CD247: variants seen among roughly 807,000 people sequenced by gnomAD.
The protein encoded by CD247 is T-cell surface glycoprotein CD3 zeta chain.
CD247 carries 13 observed loss-of-function variants against 30.0 expected under a neutral mutation model. The ratio of observed to expected loss-of-function variants is 0.43; its 90% confidence interval spans 0.28 to 0.69. The LOEUF (loss-of-function observed/expected upper bound fraction) is 0.69. Among genes scored for constraint, CD247 ranks in the 30% least tolerant of loss-of-function variants. The probability of loss-of-function intolerance (pLI) is 0.16; values close to 1 mark genes in which losing one functional copy is unlikely to be tolerated. For missense variants in CD247, 193 were observed against 212.6 expected, an observed-to-expected ratio of 0.91 and a Z score of 0.57; for synonymous variants, 72 against 80.0, an observed-to-expected ratio of 0.90 and a Z score of 0.53.
At chr1:167,472,560 G>T (rs1558014231) in intron 1 of CD247, among the ~76,000 whole-genome samples, 1 of 151,960 alleles carries the variant, frequency 6.6e-6, no homozygotes, top group Non-Finnish European at 1.5e-5. Context: ...TTTTCAAGGG[G>T]ACAGTAACAA....
At chr1:167,451,894 G>A (rs1425370279) in intron 1 of CD247, among the ~76,000 whole-genome samples, 1 of 152,168 alleles carries the variant, frequency 6.6e-6, no homozygotes, top group African/African-American at 2.4e-5. Flanking sequence ...ATAACCTGAG[G>A]TCAGGAGTTT....
At chr1:167,438,447 C>A in intron 4 of CD247, 123 bp downstream of exon 4, 5 of 814,790 alleles carry the variant, frequency 6.1e-6, no homozygotes, top group Non-Finnish European at 1.1e-5. Context: ...CTTCTCTTGT[C>A]CTGGGCCCAC....
At chr1:167,516,519 T>C (rs972773516) in intron 1 of CD247, among the ~76,000 whole-genome samples, 2 of 152,172 alleles carry the variant, frequency 1.3e-5, no homozygotes, top group African/African-American at 4.8e-5. Context: ...TGACTGAAAT[T>C]CTATGTGCGG....
chr1:167,492,042 G>A (rs1311276540), intron 1 of CD247, among the ~76,000 whole-genome samples: 2 of 152,154 alleles, frequency 1.3e-5, no homozygotes, highest in South Asian at 2.1e-4. Flanking sequence ...TTCTAGAGAC[G>A]GATGGTGGTG....
intron 1 of CD247, among the ~76,000 whole-genome samples, chr1:167,452,997 A>ATGTG (rs71097678): frequency 9.3e-6 from 1 of 106,974 alleles, no homozygotes; most frequent in African/African-American, 3.2e-5. Flanking sequence ...ATGTGTGTGT[A>ATGTG]TGTGTGTGTG....
intron 1 of CD247, among the ~76,000 whole-genome samples, chr1:167,482,738 A>G (rs1452764529): frequency 6.6e-6 from 1 of 152,174 alleles, no homozygotes; most frequent in African/African-American, 2.4e-5. Flanking sequence ...CTGTGTGCCT[A>G]TTCACCTGGG....
At chr1:167,488,003 G>T (rs1028637034) in intron 1 of CD247, among the ~76,000 whole-genome samples, 1 of 152,162 alleles carries the variant, frequency 6.6e-6, no homozygotes, top group Non-Finnish European at 1.5e-5. Flanking sequence ...CCCCCAAAGG[G>T]CTGGGATTGC....
chr1:167,439,784 G>A lies in CD247; in HGVS notation c.163-384C>T, dbSNP rs545562023. 3.4e-4 allele frequency: 90 copies of A among 266,280 alleles called. 1 individual carries two copies. The South Asian group carries it at 4.0e-3, about 12-fold the overall frequency. 16.5% of individuals were successfully genotyped at this position (266,280 alleles called of 1,614,324 possible). A position where few individuals can be genotyped will look rare whatever the true frequency, so the allele number is the denominator to read the frequency against. On this transcript the variant is annotated intron_variant, in intron 2 of 7. Coordinates refer to ENST00000362089, the MANE Select transcript of CD247 (RefSeq NM_198053.3). Reference sequence around the variant, plus strand: ...TGAGGACAATCCAGGGTGGATGGCGGCTGGTCAAGATCCCGCCTCCTATCT... The same window carrying A: ...TGAGGACAATCCAGGGTGGATGGCGACTGGTCAAGATCCCGCCTCCTATCT...
At chr1:167,486,934 C>T (rs764288058) in intron 1 of CD247, among the ~76,000 whole-genome samples, 13 of 151,240 alleles carry the variant, frequency 8.6e-5, no homozygotes, top group Non-Finnish European at 1.5e-4. Context: ...ATTAGCCAGG[C>T]GTGGTGGAGG....
At chr1:167,474,221 G>A (rs1653654445) in intron 1 of CD247, among the ~76,000 whole-genome samples, 1 of 152,050 alleles carries the variant, frequency 6.6e-6, no homozygotes, top group Non-Finnish European at 1.5e-5. Flanking sequence ...GGTGGGGCTG[G>A]GAAGGGGGAG....
chr1:167,511,138 A>T (rs1400931516), intron 1 of CD247, among the ~76,000 whole-genome samples: 2 of 152,094 alleles, frequency 1.3e-5, no homozygotes, highest in African/African-American at 2.4e-5. Context: ...TTCAAAGATA[A>T]CTCTCCCAGT....
intron 1 of CD247, among the ~76,000 whole-genome samples, chr1:167,495,579 A>G (rs1177184742): frequency 6.6e-6 from 1 of 152,124 alleles, no homozygotes; most frequent in Non-Finnish European, 1.5e-5. Context: ...CAAAACATAT[A>G]ATCATGTATC....
chr1:167,470,267 T>C (rs1188871654), intron 1 of CD247, among the ~76,000 whole-genome samples: 4 of 152,098 alleles, frequency 2.6e-5, no homozygotes, highest in East Asian at 3.9e-4. Context: ...ACCATTTAGA[T>C]CTACAGCCCC....
chr1:167,444,822 C>T (rs1161616095), intron 1 of CD247, among the ~76,000 whole-genome samples: 1 of 152,188 alleles, frequency 6.6e-6, no homozygotes, highest in African/African-American at 2.4e-5. Flanking sequence ...CACTGTACTT[C>T]TGAACTGTGT....
intron 6 of CD247, 146 bp downstream of exon 6, chr1:167,433,874 A>T: frequency 1.3e-6 from 1 of 790,098 alleles, no homozygotes; most frequent in South Asian, 1.4e-5. Context: ...CGGCTGGGTG[A>T]CAGCCAGGTT....
chr1:167,479,507 C>A (rs1653882788), intron 1 of CD247, among the ~76,000 whole-genome samples: 2 of 152,200 alleles, frequency 1.3e-5, no homozygotes, highest in African/African-American at 4.8e-5. Context: ...CTCCATCTGC[C>A]ACACACTACG....
rs150725547 is a variant in CD247, at chr1:167,434,091, G to A, written c.337-15C>T. 2.5e-5 allele frequency: 41 copies of A among 1,612,210 alleles called. No homozygotes were observed. Among genetic ancestry groups the A allele is most frequent in the African/African-American group, 2.3e-4 (17 of 75,040 alleles). On this transcript the variant is annotated splice_polypyrimidine_tract_variant and intron_variant, in intron 5 of 7. Transcript: ENST00000362089. Reference sequence around the variant, plus strand: ...TTCTGCAGTTCCTGCAGAAGAGGGCGTGGAACACTGATTTTTACCAACTAA... The same window carrying A: ...TTCTGCAGTTCCTGCAGAAGAGGGCATGGAACACTGATTTTTACCAACTAA...
rs986001044 is a variant in CD247 at position 167,450,392 on chromosome 1, G to A, written c.59-9625C>T. Among the ~76,000 whole-genome samples, 2 of 152,144 alleles carry A rather than the reference G, an allele frequency of 1.3e-5. 1 individual carries two copies. The highest frequency in any genetic ancestry group is 4.1e-4 in the South Asian group (2 of 4,828). ...TGCCTTAGTCACAGCTACTCAGGAG[G>A]CTGAGGTGCGAGGATCACTTGAGCC... On this transcript the variant is annotated intron_variant, in intron 1 of 7. Coordinates refer to ENST00000362089, the MANE Select transcript of CD247 (RefSeq NM_198053.3).
intron 1 of CD247, among the ~76,000 whole-genome samples, chr1:167,504,398 A>G (rs1206994957): frequency 6.6e-6 from 1 of 152,228 alleles, no homozygotes; most frequent in Admixed American, 6.5e-5. Context: ...CTCAGAAAAT[A>G]CACTGAAAGT....
Sources: allele counts gnomAD v4.1 joint callset (sites outside exome capture counted in the v4.1 genomes callset), GRCh38; gene constraint gnomAD v4.1.1; transcripts MANE v1.5; gene names NCBI Gene and HGNC (gene_info 2026-07-23, HGNC 2026-07-21).